Variants in ITPR1 observed in about 807,000 individuals in gnomAD.
ITPR1 encodes inositol 1,4,5-trisphosphate receptor type 1.
Under a neutral mutation model 318.4 loss-of-function variants are expected in ITPR1, and 96 were observed. That is an observed-to-expected ratio of 0.30 (90% confidence interval 0.26 to 0.36). The LOEUF is 0.36. ITPR1 is among the 10% of genes least tolerant of loss of function. The probability of loss-of-function intolerance (pLI) is 1.00; values close to 1 mark genes in which losing one functional copy is unlikely to be tolerated. For synonymous variants in ITPR1, 1,312 were observed against 1,289.9 expected (o/e 1.02, Z -0.37); for missense variants, 2,440 against 3,460.2 (o/e 0.71, Z 7.40).
intron 22 of ITPR1, among the ~76,000 whole-genome samples, chr3:4,674,837 C>CTT (rs199718709): frequency 2.0e-3 from 281 of 143,654 alleles, no homozygotes; most frequent in Middle Eastern, 7.2e-3. Context: ...ATGATGAGGT[C>CTT]TTTTTTTTTT....
At chr3:4,638,646 C>T (rs2093261873) in intron 5 of ITPR1, among the ~76,000 whole-genome samples, 1 of 152,178 alleles carries the variant, frequency 6.6e-6, no homozygotes, top group African/African-American at 2.4e-5. Context: ...TTTAAATGTA[C>T]ACAGAAGTGG....
At chr3:4,737,738 G>C (rs2125324653) in intron 44 of ITPR1, among the ~76,000 whole-genome samples, 1 of 152,308 alleles carries the variant, frequency 6.6e-6, no homozygotes, top group African/African-American at 2.4e-5. Context: ...AAGAGCTGAT[G>C]AGAACCTGAA....
intron 4 of ITPR1, among the ~76,000 whole-genome samples, chr3:4,557,428 A>G (rs2086238982): frequency 6.6e-6 from 1 of 152,110 alleles, no homozygotes; most frequent in Admixed American, 6.5e-5. Context: ...TGGGAGCTAC[A>G]ATTCAAGATG....
At chr3:4,811,198 C>A in intron 55 of ITPR1, 67 bp from the exon 56 acceptor site, 2 of 1,162,406 alleles carry the variant, frequency 1.7e-6, no homozygotes, top group Non-Finnish European at 2.4e-6. Context: ...ACCAAGTTTG[C>A]ATTATGGGAT....
chr3:4,567,594 C>T (rs537387062), intron 4 of ITPR1, among the ~76,000 whole-genome samples: 1 of 134,164 alleles, frequency 7.5e-6, no homozygotes, highest in East Asian at 2.2e-4. Flanking sequence ...GGAGGTGACG[C>T]TTGAGCTAGT....
intron 4 of ITPR1, among the ~76,000 whole-genome samples, chr3:4,583,199 A>G (rs146181823): frequency 1.4e-3 from 219 of 152,342 alleles, no homozygotes; most frequent in African/African-American, 5.0e-3. Flanking sequence ...TTTAAATGGA[A>G]GTGGTCTCAT....
chr3:4,657,532 A>G (rs778120791), intron 12 of ITPR1, among the ~76,000 whole-genome samples: 1 of 149,848 alleles, frequency 6.7e-6, no homozygotes, highest in African/African-American at 2.5e-5. Context: ...CGGTGGCGCG[A>G]TCTCAGCTCA....
chr3:4,639,280 T>C lies in ITPR1; in HGVS notation c.280-104T>C, dbSNP rs1421003263. 12 of 841,862 alleles carry C rather than the reference T, an allele frequency of 1.4e-5. No homozygotes were observed. In the East Asian group the frequency reaches 3.3e-4, roughly 23 times the overall value. The allele number at this position is 841,862 out of a possible 1,614,324, so 52.1% of individuals were successfully genotyped here. The stretch of plus-strand genomic sequence containing the variant: ...GGTGTGTCCTCAGGGATTTGCGTAT[T>C]TCGGTGGTTCTTGTATGAACTGGCG... On this transcript the variant is annotated intron_variant, in intron 5 of 61. Transcript: ENST00000649015.
At chr3:4,628,639 T>G (rs2092917388) in intron 5 of ITPR1, among the ~76,000 whole-genome samples, 1 of 152,232 alleles carries the variant, frequency 6.6e-6, no homozygotes, top group African/African-American at 2.4e-5. Context: ...CCCCGTCATG[T>G]AACATCATCT....
intron 40 of ITPR1, among the ~76,000 whole-genome samples, chr3:4,719,309 C>G (rs949073221): frequency 1.3e-5 from 2 of 152,254 alleles, no homozygotes; most frequent in African/African-American, 4.8e-5. Flanking sequence ...ACACCGATGC[C>G]CTGTCCCCAG....
At position 4,662,027 on chromosome 3, in the gene ITPR1, A is replaced by G; in HGVS notation, c.1252-55A>G. The stretch of plus-strand genomic sequence containing the variant: ...TCTCGTAAATGTAGTGTTTGATTAA[A>G]GTCTTATCCTTCCCATCCAAGAGAT... On this transcript the variant is annotated intron_variant, in intron 14 of 61. Coordinates refer to ENST00000649015, the MANE Select transcript of ITPR1 (RefSeq NM_001378452.1). The G allele has an allele frequency of 4.1e-6, 6 of 1,474,936 alleles. No homozygotes were observed. The South Asian group carries it at 7.1e-5, about 18-fold the overall frequency. The allele number at this position is 1,474,936 out of a possible 1,614,324, so 91.4% of individuals were successfully genotyped here.
intron 4 of ITPR1, among the ~76,000 whole-genome samples, chr3:4,562,424 C>A (rs1325679728): frequency 6.6e-6 from 1 of 151,930 alleles, no homozygotes; most frequent in Admixed American, 6.6e-5. Flanking sequence ...ATTTTGTTTG[C>A]ACATACTATT....
intron 24 of ITPR1, among the ~76,000 whole-genome samples, chr3:4,677,181 C>T (rs1411389762): frequency 6.6e-6 from 1 of 152,196 alleles, no homozygotes. Flanking sequence ...CTCCCTTCTT[C>T]CCTTTTTCAT....
At chr3:4,702,784 C>G in intron 35 of ITPR1, 46 bp from the exon 36 acceptor site, 1 of 1,594,778 alleles carries the variant, frequency 6.3e-7, no homozygotes, top group East Asian at 2.3e-5. Context: ...CAGTAGTCTA[C>G]AAATAAAAAT....
chr3:4,697,063 G>A lies in ITPR1; in HGVS notation c.4282-84G>A, dbSNP rs903150366. On this transcript the variant is annotated intron_variant, in intron 33 of 61. Coordinates refer to ENST00000649015, the MANE Select transcript of ITPR1 (RefSeq NM_001378452.1). ...GGGGAATGGGATGACCATTTTCATC[G>A]GTCCTTGCTGTGAAGTTGAGGCAGC... is the stretch of plus-strand genomic sequence containing the variant. The A allele has an allele frequency of 9.5e-6, 12 of 1,263,130 alleles. No homozygotes were observed. In the East Asian group the frequency reaches 1.5e-4, roughly 15 times the overall value. 78.2% of individuals were successfully genotyped at this position (1,263,130 alleles called of 1,614,324 possible).
intron 53 of ITPR1, 151 bp from the exon 54 acceptor site, chr3:4,800,274 G>T: frequency 3.0e-6 from 2 of 672,590 alleles, no homozygotes; most frequent in Non-Finnish European, 4.9e-6. Context: ...GATGGGACTG[G>T]TTATGGATGG....
At chr3:4,812,646 GCTGA>G (rs1417697053) in intron 56 of ITPR1, among the ~76,000 whole-genome samples, 2 of 152,144 alleles carry the variant, frequency 1.3e-5, no homozygotes, top group African/African-American at 4.8e-5. Flanking sequence ...AATCGTTGTG[GCTGA>G]CTGAGCCAGC....
chr3:4,740,128 G>A (rs183671540), intron 44 of ITPR1, among the ~76,000 whole-genome samples: 18 of 152,236 alleles, frequency 1.2e-4, no homozygotes, highest in Admixed American at 1.0e-3. Flanking sequence ...TGTGAGGAGG[G>A]TACATGTATA....
At chr3:4,512,319 C>T (rs756542220) in intron 2 of ITPR1, among the ~76,000 whole-genome samples, 1 of 152,114 alleles carries the variant, frequency 6.6e-6, no homozygotes, top group African/African-American at 2.4e-5. Context: ...CTCTATTGCC[C>T]AGTGAGACCA....
Sources: allele counts gnomAD v4.1 joint callset (sites outside exome capture counted in the v4.1 genomes callset), GRCh38; gene constraint gnomAD v4.1.1; transcripts MANE v1.5; gene names NCBI Gene and HGNC (gene_info 2026-07-23, HGNC 2026-07-21).